The following WIPF3 variants were observed in gnomAD, a reference collection of about 807,000 sequenced individuals.
The protein encoded by WIPF3 is WAS/WASL-interacting protein family member 3.
WIPF3 carries 33 observed loss-of-function variants against 38.9 expected under a neutral mutation model. That is an observed-to-expected ratio of 0.85 (90% CI 0.64 to 1.14). The LOEUF is 1.14. Ranked by LOEUF, WIPF3 falls within the 50% of genes most tolerant of loss-of-function variation. The probability of loss-of-function intolerance (pLI) is 0.00; values close to 1 mark genes in which losing one functional copy is unlikely to be tolerated. For synonymous variants in WIPF3, 324 were observed against 269.3 expected, an observed-to-expected ratio of 1.20 and a Z score of -1.99; for missense variants, 711 against 652.5, an observed-to-expected ratio of 1.09 and a Z score of -0.98.
At chr7:29,842,978 A>G (rs887097063) in intron 2 of WIPF3, among the ~76,000 whole-genome samples, 1 of 152,236 alleles carries the variant, frequency 6.6e-6, no homozygotes, top group Non-Finnish European at 1.5e-5. Flanking sequence ...CCAGGAACTG[A>G]TAGTGGCCAC....
At chr7:29,839,071 A>G (rs1261066103) in intron 2 of WIPF3, among the ~76,000 whole-genome samples, 1 of 152,188 alleles carries the variant, frequency 6.6e-6, no homozygotes, top group Non-Finnish European at 1.5e-5. Flanking sequence ...TAAAATCAGG[A>G]GATGGCACCC....
At chr7:29,886,342 CA>C (rs1276564343) in intron 5 of WIPF3, among the ~76,000 whole-genome samples, 1 of 90,876 alleles carries the variant, frequency 1.1e-5, no homozygotes, top group Admixed American at 1.2e-4. Flanking sequence ...ATGAAAAAGA[CA>C]AAGCTTTTTT....
rs763025496 is a variant in WIPF3 at position 29,883,931 on chromosome 7, C to A, written c.437C>A (p.Pro146Gln). The change falls in exon 5 of 9, where the codon CCG (proline) becomes CAG (glutamine). Residue 146 changes from proline (P) to glutamine (Q), a missense_variant. Pro to Gln is a moderately conservative substitution (Grantham distance 76, BLOSUM62 -1). Coordinates refer to ENST00000242140, the MANE Select transcript of WIPF3 (RefSeq NM_001080529.3). The stretch of plus-strand genomic sequence containing the variant: ...AAAACCATCAGCGGCCCGCTTATCC[C>A]GCCTGCCTCTCCCAGGCTAGGCAAT... ...PNKTISGPLI[P>Q]PASPRLGNTS... 1 of 1,582,346 alleles carries A rather than the reference C, an allele frequency of 6.3e-7. No individual in the cohort carries two copies. Among genetic ancestry groups the A allele is most frequent in the East Asian group, 2.3e-5 (1 of 43,358 alleles).
chr7:29,819,112 G>A (rs1213318517), intron 1 of WIPF3, among the ~76,000 whole-genome samples: 1 of 151,520 alleles, frequency 6.6e-6, no homozygotes, highest in Admixed American at 6.6e-5. Context: ...ACTGCTAAGT[G>A]GTAATTAACT....
chr7:29,881,636 A>G (rs1785719615), intron 4 of WIPF3, among the ~76,000 whole-genome samples: 2 of 152,212 alleles, frequency 1.3e-5, no homozygotes, highest in Admixed American at 1.3e-4. Context: ...TCATAATGCA[A>G]CCTTGGCCTA....
chr7:29,848,449 T>C lies in WIPF3; in HGVS notation c.90+13635T>C, dbSNP rs187147978. ...TTAATCGTGATACTCATGCAAGAAT[T>C]CTGGATCACCTGAGCCCAAGCCCCT... On this transcript the variant is annotated intron_variant, in intron 2 of 8. Coordinates refer to ENST00000242140, the MANE Select transcript of WIPF3 (RefSeq NM_001080529.3). Among the ~76,000 whole-genome samples, 130 of 152,258 alleles carry C rather than the reference T, an allele frequency of 8.5e-4. 1 individual carries two copies. Among genetic ancestry groups the C allele is most frequent in the African/African-American group, 3.0e-3 (126 of 41,540 alleles).
chr7:29,853,457 G>T (rs1213255972), intron 2 of WIPF3, among the ~76,000 whole-genome samples: 1 of 152,204 alleles, frequency 6.6e-6, no homozygotes, highest in Non-Finnish European at 1.5e-5. Flanking sequence ...GAGTCCACAG[G>T]ACTCCATCCC....
intron 2 of WIPF3, among the ~76,000 whole-genome samples, chr7:29,843,189 A>G (rs1021988234): frequency 6.6e-6 from 1 of 152,254 alleles, no homozygotes; most frequent in Admixed American, 6.5e-5. Flanking sequence ...TGTTGGCAGC[A>G]GGTTTCCTTG....
chr7:29,853,091 A>G (rs2128069076), intron 2 of WIPF3, among the ~76,000 whole-genome samples: 1 of 152,164 alleles, frequency 6.6e-6, no homozygotes, highest in Admixed American at 6.5e-5. Flanking sequence ...CTGATAAGAG[A>G]GTGAGGAAGT....
At chr7:29,881,967 C>G (rs1785728280) in intron 4 of WIPF3, among the ~76,000 whole-genome samples, 1 of 152,226 alleles carries the variant, frequency 6.6e-6, no homozygotes, top group Admixed American at 6.5e-5. Flanking sequence ...TCGGAGCTCT[C>G]TGTCGGCCCA....
chr7:29,845,205 T>G (rs960468379), intron 2 of WIPF3, among the ~76,000 whole-genome samples: 7 of 152,186 alleles, frequency 4.6e-5, no homozygotes, highest in African/African-American at 1.7e-4. Context: ...GAAGATGCAG[T>G]GCAAAGGAAC....
chr7:29,839,370 G>A (rs1784879471), intron 2 of WIPF3, among the ~76,000 whole-genome samples: 1 of 152,178 alleles, frequency 6.6e-6, no homozygotes, highest in African/African-American at 2.4e-5. Context: ...GAAAGGTTGT[G>A]GGGGAAAAAG....
At chr7:29,907,648 T>C (rs568254648) in intron 8 of WIPF3, among the ~76,000 whole-genome samples, 1 of 152,188 alleles carries the variant, frequency 6.6e-6, no homozygotes, top group East Asian at 1.9e-4. Context: ...TGTTCATCCC[T>C]TTCACCATGT....
chr7:29,911,201 C>A (rs963916682), intron 8 of WIPF3, among the ~76,000 whole-genome samples: 2 of 152,048 alleles, frequency 1.3e-5, no homozygotes, highest in Non-Finnish European at 2.9e-5. Flanking sequence ...AGCAGTTAAC[C>A]AAGCAGGTGA....
At chr7:29,901,417 C>A (rs1786273424) in intron 7 of WIPF3, among the ~76,000 whole-genome samples, 1 of 127,798 alleles carries the variant, frequency 7.8e-6, no homozygotes, top group Non-Finnish European at 1.6e-5. Flanking sequence ...TTTTACAAGA[C>A]AGAGTTTGCC....
intron 1 of WIPF3, among the ~76,000 whole-genome samples, chr7:29,834,313 TA>T (rs1434100162): frequency 6.6e-6 from 1 of 152,146 alleles, no homozygotes; most frequent in Non-Finnish European, 1.5e-5. Context: ...ACTAAAAATT[TA>T]ATGCTAAAGA....
chr7:29,908,636 C>A (rs1786445396), intron 8 of WIPF3, among the ~76,000 whole-genome samples: 1 of 152,140 alleles, frequency 6.6e-6, no homozygotes, highest in Non-Finnish European at 1.5e-5. Flanking sequence ...TCAGGCCAGG[C>A]ATGGTGGCTC....
chr7:29,880,126 C>T (rs1020856180), intron 4 of WIPF3, among the ~76,000 whole-genome samples: 1 of 152,058 alleles, frequency 6.6e-6, no homozygotes, highest in African/African-American at 2.4e-5. Context: ...TAAAATTGAA[C>T]AAATACAAAT....
chr7:29,898,843 G>A (rs7812122), intron 7 of WIPF3, among the ~76,000 whole-genome samples: 104,275 of 152,070 alleles, frequency 0.69, 36,860 homozygotes, highest in South Asian at 0.89. Flanking sequence ...GTTTTATTTT[G>A]TGTACTTTTT....
Sources: allele counts gnomAD v4.1 joint callset (sites outside exome capture counted in the v4.1 genomes callset), GRCh38; gene constraint gnomAD v4.1.1; transcripts MANE v1.5; gene names NCBI Gene and HGNC (gene_info 2026-07-23, HGNC 2026-07-21).